The following FAM149A variants were observed in gnomAD, a reference collection of about 807,000 sequenced individuals.
The protein encoded by FAM149A is family with sequence similarity 149 member A.
FAM149A carries 71 observed loss-of-function variants against 78.2 expected under a neutral mutation model. The ratio of observed to expected loss-of-function variants is 0.91; its 90% confidence interval spans 0.75 to 1.11. The LOEUF is 1.11. Ranked by LOEUF, FAM149A falls within the 50% of genes least tolerant of loss-of-function variation. The pLI is 0.00. For synonymous variants in FAM149A, 446 were observed against 410.5 expected (o/e 1.09, Z -1.04); for missense variants, 1,036 against 971.0 (o/e 1.07, Z -0.89).
At chr4:186,109,085 A>G (rs560931814) in intron 1 of FAM149A, 268 of 476,984 alleles carry the variant, frequency 5.6e-4, no homozygotes, top group African/African-American at 4.4e-3. Context: ...CTGACCTTGT[A>G]ATTTGCCCGC....
At chr4:186,129,294 C>A (rs2126342826) in intron 1 of FAM149A, among the ~76,000 whole-genome samples, 1 of 152,096 alleles carries the variant, frequency 6.6e-6, no homozygotes, top group East Asian at 1.9e-4. Flanking sequence ...CCACACTGAC[C>A]AATATGGCCA....
chr4:186,130,293 C>CTCTCTATATATATATA, intron 1 of FAM149A: 8 of 46,584 alleles, frequency 1.7e-4, no homozygotes, highest in Admixed American at 9.9e-4. Flanking sequence ...CTCTCTCTCT[C>CTCTCTATATATATATA]TATATATATA....
intron 1 of FAM149A, chr4:186,123,476 A>G: frequency 1.6e-6 from 1 of 628,610 alleles, no homozygotes; most frequent in Non-Finnish European, 2.0e-6. Flanking sequence ...CTCTTTATTA[A>G]TAAGGGCCAT....
intron 1 of FAM149A, among the ~76,000 whole-genome samples, chr4:186,145,529 A>T (rs1441617708): frequency 6.6e-6 from 1 of 152,238 alleles, no homozygotes; most frequent in Non-Finnish European, 1.5e-5. Context: ...TCTACAAAGC[A>T]GTGTGGCAGA....
chr4:186,152,016 G>C lies in FAM149A; in HGVS notation c.903G>C (p.Gly301=), dbSNP rs367622396. The change falls in exon 4 of 14, where the codon GGG becomes GGC. Residue 301 remains glycine (G), a synonymous_variant. Transcript: ENST00000389354. ...CCCAGAGTCTGCTGGCCGAATGCGGGGAGTGGACAAGAAGATCCCTCCATT... is the reference window on the plus strand; with the variant it reads ...CCCAGAGTCTGCTGGCCGAATGCGGCGAGTGGACAAGAAGATCCCTCCATT... 4 of 1,613,982 alleles carry C rather than the reference G, an allele frequency of 2.5e-6. No homozygotes were observed. The African/African-American group carries it at 5.3e-5, about 22-fold the overall frequency.
intron 1 of FAM149A, chr4:186,109,220 CTG>C: frequency 2.0e-6 from 2 of 982,188 alleles, no homozygotes; most frequent in Non-Finnish European, 2.4e-6. Flanking sequence ...TAGATAATTG[CTG>C]TGTATGAATG....
chr4:186,165,785 C>T (rs193074111), intron 11 of FAM149A, among the ~76,000 whole-genome samples: 29 of 152,272 alleles, frequency 1.9e-4, no homozygotes, highest in African/African-American at 6.0e-4. Flanking sequence ...GGCAGGTCCG[C>T]GTGGATCCTG....
intron 9 of FAM149A, 105 bp from the exon 10 acceptor site, chr4:186,163,319 C>A: frequency 1.2e-6 from 1 of 837,420 alleles, no homozygotes; most frequent in South Asian, 1.5e-5. Context: ...GGAGTATGTT[C>A]TAGGTGCCAG....
At chr4:186,132,705 A>G (rs1431008274) in intron 1 of FAM149A, among the ~76,000 whole-genome samples, 1 of 152,216 alleles carries the variant, frequency 6.6e-6, no homozygotes, top group Non-Finnish European at 1.5e-5. Flanking sequence ...GTCCAGGCTT[A>G]GTACATCTGC....
Position 186,136,959 on chromosome 4 carries a change from TCTCTTTCTCTCTCTCTTTCTC to T in FAM149A, c.567-12213_567-12193del, listed in dbSNP as rs1561396264. On this transcript the variant is annotated intron_variant, in intron 1 of 13. Coordinates refer to ENST00000389354, the MANE Select transcript of FAM149A (RefSeq NM_001367768.3). ...TGATCTCTCTCTCTCTCTCTCTCTC[TCTCTTTCTCTCTCTCTTTCTC>T]TCTCTCTCTCTCTCTCTCTCTCTCT... Among the ~76,000 whole-genome samples, 346 of 105,374 alleles carry T rather than the reference TCTCTTTCTCTCTCTCTTTCTC, an allele frequency of 3.3e-3. 3 individuals are homozygous for T. Among genetic ancestry groups the T allele is most frequent in the Admixed American group, 2.1e-3 (21 of 9,832 alleles). The allele number at this position is 105,374 out of a possible 152,430, so 69.1% of individuals were successfully genotyped here.
At chr4:186,150,475 A>T (rs1253282286) in intron 3 of FAM149A, among the ~76,000 whole-genome samples, 23 of 111,020 alleles carry the variant, frequency 2.1e-4, no homozygotes, top group Non-Finnish European at 3.3e-4. Flanking sequence ...GCTGGAGTGC[A>T]GGGGCGCGAT....
chr4:186,160,759 C>T, intron 8 of FAM149A: 1 of 964,444 alleles, frequency 1.0e-6, no homozygotes, highest in East Asian at 1.2e-4. Context: ...CCACACCACA[C>T]ACACACCACA....
Position 186,167,169 on chromosome 4 carries a change from T to C in FAM149A, c.2140-15T>C. ...AAAATGAAACTTGTCCCTGATTTTA[T>C]TTTTCTTCCAGCAGTCGGATACGCC... On this transcript the variant is annotated splice_polypyrimidine_tract_variant and intron_variant, in intron 12 of 13. Coordinates refer to ENST00000389354, the MANE Select transcript of FAM149A (RefSeq NM_001367768.3). 1.2e-6 allele frequency: 2 copies of C among 1,607,542 alleles called. No homozygotes were observed. The highest frequency in any genetic ancestry group is 1.7e-6 in the Non-Finnish European group (2 of 1,174,822).
At chr4:186,127,178 A>G in intron 1 of FAM149A, 1 of 979,300 alleles carries the variant, frequency 1.0e-6, no homozygotes, top group Non-Finnish European at 1.2e-6. Flanking sequence ...CGCCAACTCC[A>G]CCCTGAGTAG....
rs1735582003 is a variant in FAM149A, at chr4:186,172,059, CAA to C, written c.*73_*74del. The C allele has an allele frequency of 6.4e-7, 1 of 1,574,070 alleles. No individual in the cohort carries two copies. The highest frequency in any genetic ancestry group is 8.6e-7 in the Non-Finnish European group (1 of 1,164,332). Reference sequence around the variant, plus strand: ...GCTTATCACTTGAAAAATGGAGGAACAAGTGTTATATTTATCTGTGTGTCTGA... The same window carrying C: ...GCTTATCACTTGAAAAATGGAGGAACGTGTTATATTTATCTGTGTGTCTGA... On this transcript the variant is annotated 3_prime_UTR_variant, in exon 14 of 14. Coordinates refer to ENST00000389354, the MANE Select transcript of FAM149A (RefSeq NM_001367768.3).
chr4:186,141,501 A>G (rs1561398693), intron 1 of FAM149A, among the ~76,000 whole-genome samples: 1 of 152,230 alleles, frequency 6.6e-6, no homozygotes, highest in Non-Finnish European at 1.5e-5. Flanking sequence ...GTCTAAACCA[A>G]TCCAACGTGA....
At chr4:186,128,718 C>T (rs1220146670) in intron 1 of FAM149A, among the ~76,000 whole-genome samples, 1 of 152,076 alleles carries the variant, frequency 6.6e-6, no homozygotes, top group Non-Finnish European at 1.5e-5. Context: ...TAATGTACTT[C>T]AGTTGTTGGT....
At position 186,126,198 on chromosome 4, in the gene FAM149A, T is replaced by C. The variant is rs1251528381; in HGVS notation, c.566+20556T>C. 4.6e-6 allele frequency: 3 copies of C among 658,168 alleles called. No homozygotes were observed. In the African/African-American group the frequency reaches 5.9e-5, roughly 13 times the overall value. 40.8% of individuals were successfully genotyped at this position (658,168 alleles called of 1,614,324 possible). A position where few individuals can be genotyped will look rare whatever the true frequency, so the allele number is the denominator to read the frequency against. ...TACCTCGAGTAAGCCTCGCGCCTTG[T>C]TACCAAAAAGGATACCTTGACATAC... On this transcript the variant is annotated intron_variant, in intron 1 of 13. Coordinates refer to ENST00000389354, the MANE Select transcript of FAM149A (RefSeq NM_001367768.3).
At chr4:186,170,418 A>T (rs922871389) in intron 13 of FAM149A, among the ~76,000 whole-genome samples, 15 of 152,156 alleles carry the variant, frequency 9.9e-5, no homozygotes, top group African/African-American at 3.6e-4. Context: ...ATATCCAAGG[A>T]CTCATCCTGA....
Sources: allele counts gnomAD v4.1 joint callset (sites outside exome capture counted in the v4.1 genomes callset), GRCh38; gene constraint gnomAD v4.1.1; transcripts MANE v1.5; gene names NCBI Gene and HGNC (gene_info 2026-07-23, HGNC 2026-07-21).